The following ZC3H7B variants were observed in gnomAD, a reference collection of about 807,000 sequenced individuals.
ZC3H7B encodes zinc finger CCCH-type containing 7B, also known as zinc finger CCCH domain-containing protein 7B.
Under a neutral mutation model 116.0 loss-of-function variants are expected in ZC3H7B, and 35 were observed. The observed-to-expected ratio is 0.30, with a 90% confidence interval of 0.23 to 0.40. The LOEUF is 0.40. ZC3H7B is among the 10% of genes least tolerant of loss of function. The pLI, the probability that ZC3H7B is intolerant of heterozygous loss-of-function variation, is 1.00. For synonymous variants in ZC3H7B, 502 were observed against 545.6 expected, an observed-to-expected ratio of 0.92 and a Z score of 1.11; for missense variants, 1,011 against 1,321.5, an observed-to-expected ratio of 0.77 and a Z score of 3.64.
chr22:41,352,147 C>G (rs2036661096), intron 17 of ZC3H7B, among the ~76,000 whole-genome samples: 1 of 152,326 alleles, frequency 6.6e-6, no homozygotes, highest in African/African-American at 2.4e-5. Context: ...TTTCATCTCC[C>G]TTGATGAAGA....
At chr22:41,317,936 A>T (rs1601767809) in intron 1 of ZC3H7B, among the ~76,000 whole-genome samples, 2 of 152,194 alleles carry the variant, frequency 1.3e-5, no homozygotes, top group East Asian at 3.8e-4. Flanking sequence ...GGCTGACTGC[A>T]TGGCTTTGAA....
chr22:41,330,231 AGGT>A (rs2036364972), intron 6 of ZC3H7B, 128 bp downstream of exon 6: 1 of 874,312 alleles, frequency 1.1e-6, no homozygotes, highest in Non-Finnish European at 1.7e-6. Flanking sequence ...GAGTGACAGC[AGGT>A]GATCTTCCTT....
rs147380424 is a variant in ZC3H7B, at chr22:41,356,959, G to C, written c.2681+151G>C. On this transcript the variant is annotated intron_variant, in intron 22 of 22. Transcript: ENST00000352645. ...GCAGCCATGGGGGTGGTGGGGAAGGGTGGATGGGAGGGCTGGGCTCAGACC... is the reference window on the plus strand; with the variant it reads ...GCAGCCATGGGGGTGGTGGGGAAGGCTGGATGGGAGGGCTGGGCTCAGACC... The C allele has an allele frequency of 2.0e-4, 273 of 1,339,844 alleles. No homozygotes were observed. In the African/African-American group the frequency reaches 3.4e-3, roughly 17 times the overall value. 83.0% of individuals were successfully genotyped at this position (1,339,844 alleles called of 1,614,324 possible). A position where few individuals can be genotyped will look rare whatever the true frequency, so the allele number is the denominator to read the frequency against.
Position 41,316,616 on chromosome 22 carries a change from T to TG in ZC3H7B, c.-6-4038dup, listed in dbSNP as rs59421551. On this transcript the variant is annotated intron_variant, in intron 1 of 22. Coordinates refer to ENST00000352645, the MANE Select transcript of ZC3H7B (RefSeq NM_017590.6). ...CTGGCCTTTTTTTTTTTTTTTTTTT[T>TG]GAGACAGGGTCTCACTCTGTTGCCC... 2.9e-4 allele frequency among the ~76,000 whole-genome samples: 43 copies of TG among 148,366 alleles called. 2 individuals are homozygous for TG. The highest frequency in any genetic ancestry group is 4.5e-5 in the Non-Finnish European group (3 of 67,016).
rs1016857004 is a variant in ZC3H7B at position 41,357,091 on chromosome 22, G to A, written c.2682-86G>A. The A allele has an allele frequency of 5.2e-6, 8 of 1,551,644 alleles. No individual in the cohort carries two copies. In the Admixed American group the frequency reaches 5.4e-5, roughly 10 times the overall value. On this transcript the variant is annotated intron_variant, in intron 22 of 22. Transcript: ENST00000352645. This position sits in a 1 kb window ranked among gnomAD's most constrained non-coding sequence, Gnocchi z 5.4. The stretch of plus-strand genomic sequence containing the variant: ...GCTGCCCAGGGAGAGGCTTGTCTTC[G>A]GGGAGGTCAAGCGGCCGGCCCCAGA...
chr22:41,341,178 C>T (rs1462937942), intron 11 of ZC3H7B, 32 bp downstream of exon 11: 3 of 1,612,956 alleles, frequency 1.9e-6, no homozygotes, highest in Non-Finnish European at 2.5e-6. Context: ...CCAGGCCTCT[C>T]ATTCCCTGCT....
At chr22:41,307,719 A>G (rs1200440637) in intron 1 of ZC3H7B, among the ~76,000 whole-genome samples, 2 of 152,082 alleles carry the variant, frequency 1.3e-5, no homozygotes, top group African/African-American at 4.8e-5. Context: ...AATCCACTTA[A>G]CAGCTCTTCA....
rs147383204 is a variant in ZC3H7B at position 41,302,298 on chromosome 22, G to A, written c.-7+526G>A. Among the ~76,000 whole-genome samples the A allele has an allele frequency of 6.6e-6, 1 of 151,762 alleles. No individual in the cohort carries two copies. The highest frequency in any genetic ancestry group is 1.5e-5 in the Non-Finnish European group (1 of 67,900). ...GGGCCGGGGAGCGGGGCCGCCCGACGGGCCGCCCCTTTCGGCTGCGGCGGC... is the reference window on the plus strand; with the variant it reads ...GGGCCGGGGAGCGGGGCCGCCCGACAGGCCGCCCCTTTCGGCTGCGGCGGC... On this transcript the variant is annotated intron_variant, in intron 1 of 22. Coordinates refer to ENST00000352645, the MANE Select transcript of ZC3H7B (RefSeq NM_017590.6). The surrounding 1 kb of genome is among the most constrained non-coding windows in gnomAD (Gnocchi z 5.7).
chr22:41,348,018 C>A (rs761366), intron 14 of ZC3H7B, 49 bp from the exon 15 acceptor site: 14 of 1,544,908 alleles, frequency 9.1e-6, no homozygotes, highest in Admixed American at 5.0e-5. Flanking sequence ...CAGCTCACCC[C>A]CTTCCCAGGT....
chr22:41,348,254 C>G, intron 15 of ZC3H7B, 87 bp downstream of exon 15: 1 of 1,208,584 alleles, frequency 8.3e-7, no homozygotes, highest in East Asian at 2.3e-5. Flanking sequence ...AAAGGCTGAA[C>G]TGAAAGGGTG....
chr22:41,344,484 T>G (rs1412068206), intron 13 of ZC3H7B, among the ~76,000 whole-genome samples: 1 of 152,178 alleles, frequency 6.6e-6, no homozygotes, highest in Non-Finnish European at 1.5e-5. Context: ...CCCTCCCTGA[T>G]TCCGTCACAC....
In ZC3H7B at chr22:41,338,984, G is replaced by A. The variant is rs202061437; in HGVS notation, c.626-17G>A. 5.9e-6 allele frequency: 9 copies of A among 1,531,434 alleles called. No homozygotes were observed. The South Asian group carries it at 1.1e-4, about 19-fold the overall frequency. The allele number at this position is 1,531,434 out of a possible 1,614,324, so 94.9% of individuals were successfully genotyped here. On this transcript the variant is annotated splice_polypyrimidine_tract_variant and intron_variant, in intron 8 of 22. Coordinates refer to ENST00000352645, the MANE Select transcript of ZC3H7B (RefSeq NM_017590.6). This position sits in a 1 kb window ranked among gnomAD's most constrained non-coding sequence, Gnocchi z 4.5. ...CAAGCAGTGCTCCCCTTCGGCTCTT[G>A]CCCACCCCATCCGCAGACTGCTACG...
chr22:41,318,274 A>G (rs1298283849), intron 1 of ZC3H7B, among the ~76,000 whole-genome samples: 1 of 151,972 alleles, frequency 6.6e-6, no homozygotes, highest in East Asian at 1.9e-4. Context: ...TCACGCCTGT[A>G]ATCCCAGCAC....
chr22:41,311,056 C>T (rs977518090), intron 1 of ZC3H7B, among the ~76,000 whole-genome samples: 6 of 150,786 alleles, frequency 4.0e-5, no homozygotes, highest in Non-Finnish European at 5.9e-5. Flanking sequence ...TGAGCCACCG[C>T]GCCCAGCCTC....
chr22:41,305,094 C>G (rs887589340), intron 1 of ZC3H7B, among the ~76,000 whole-genome samples: 8 of 152,110 alleles, frequency 5.3e-5, no homozygotes, highest in African/African-American at 1.9e-4. Flanking sequence ...CGCCTGTAAT[C>G]CCAGCACTTT....
chr22:41,311,297 A>G (rs533071566), intron 1 of ZC3H7B, among the ~76,000 whole-genome samples: 6 of 151,946 alleles, frequency 3.9e-5, no homozygotes, highest in South Asian at 2.1e-4. Context: ...GGGTGGGGAA[A>G]TATTTATGAG....
chr22:41,324,621 G>T (rs1171986746), intron 2 of ZC3H7B, among the ~76,000 whole-genome samples: 1 of 152,200 alleles, frequency 6.6e-6, no homozygotes, highest in Non-Finnish European at 1.5e-5. Flanking sequence ...TCATACTGAG[G>T]GAGCATTAGC....
At chr22:41,345,867 C>T (rs573952925) in intron 13 of ZC3H7B, 136 bp from the exon 14 acceptor site, 38 of 864,674 alleles carry the variant, frequency 4.4e-5, no homozygotes, top group South Asian at 3.2e-4. Context: ...CCCTGGCTCA[C>T]CTAGCTGTGT....
Position 41,357,495 on chromosome 22 carries a change from A to ACTTC in ZC3H7B, c.*66_*67insCTTC. 2 of 1,101,418 alleles carry ACTTC rather than the reference A, an allele frequency of 1.8e-6. No homozygotes were observed. Among genetic ancestry groups the ACTTC allele is most frequent in the Non-Finnish European group, 2.6e-6 (2 of 770,006 alleles). 68.2% of individuals were successfully genotyped at this position (1,101,418 alleles called of 1,614,324 possible). A position where few individuals can be genotyped will look rare whatever the true frequency, so the allele number is the denominator to read the frequency against. On this transcript the variant is annotated 3_prime_UTR_variant, in exon 23 of 23. Transcript: ENST00000352645. This position sits in a 1 kb window ranked among gnomAD's most constrained non-coding sequence, Gnocchi z 5.4. The stretch of plus-strand genomic sequence containing the variant: ...GTGGGGTGGGGCCAGAAGGCCTGAT[A>ACTTC]GAAGGGTCAGGGCAGGCCAGGGGGG...
Sources: allele counts gnomAD v4.1 joint callset (sites outside exome capture counted in the v4.1 genomes callset), GRCh38; gene constraint gnomAD v4.1.1; non-coding constraint Gnocchi (gnomAD v3.1); transcripts MANE v1.5; gene names NCBI Gene and HGNC (gene_info 2026-07-23, HGNC 2026-07-21).